WDR49: variants seen among roughly 807,000 people sequenced by gnomAD.
The protein encoded by WDR49 is WD repeat domain 49.
In WDR49, 107 loss-of-function variants were observed where a neutral mutation model predicts 119.5. The ratio of observed to expected loss-of-function variants is 0.90; its 90% CI spans 0.77 to 1.05. WDR49 has a LOEUF of 1.05. Among genes scored for constraint, WDR49 ranks in the 50% least tolerant of loss-of-function variants. WDR49 has a pLI of 0.00. For missense variants in WDR49, 1,240 were observed against 1,220.5 expected, an observed-to-expected ratio of 1.02 and a Z score of -0.24; for synonymous variants, 425 against 418.8, an observed-to-expected ratio of 1.01 and a Z score of -0.18.
At chr3:167,524,651 A>G (rs1231119116) in intron 15 of WDR49, among the ~76,000 whole-genome samples, 6 of 152,282 alleles carry the variant, frequency 3.9e-5, no homozygotes, top group African/African-American at 1.4e-4. Context: ...AGCACCATTT[A>G]TTAAATAGGG....
intron 7 of WDR49, among the ~76,000 whole-genome samples, chr3:167,578,403 AT>A (rs1011631741): frequency 2.6e-5 from 4 of 151,772 alleles, no homozygotes; most frequent in African/African-American, 7.3e-5. Context: ...CTTGTTTATG[AT>A]TTTTTTCCAC....
intron 8 of WDR49, among the ~76,000 whole-genome samples, chr3:167,561,219 ACATT>A (rs911039901): frequency 6.6e-5 from 10 of 152,166 alleles, no homozygotes; most frequent in Non-Finnish European, 1.3e-4. Flanking sequence ...CATCATGCAT[ACATT>A]CATTCATTCA....
At chr3:167,650,420 CT>C (rs1718322434) in intron 2 of WDR49, among the ~76,000 whole-genome samples, 2 of 152,158 alleles carry the variant, frequency 1.3e-5, no homozygotes, top group African/African-American at 4.8e-5. Flanking sequence ...ATATATGGCT[CT>C]TTTGACACCA....
intron 7 of WDR49, among the ~76,000 whole-genome samples, chr3:167,597,772 T>A (rs895308358): frequency 6.6e-6 from 1 of 152,208 alleles, no homozygotes; most frequent in Non-Finnish European, 1.5e-5. Context: ...TGGACTTGCA[T>A]GAGGCTTGTA....
At chr3:167,529,027 A>G (rs373536497) in intron 14 of WDR49, 25 bp downstream of exon 14, 15 of 1,511,042 alleles carry the variant, frequency 9.9e-6, no homozygotes, top group Non-Finnish European at 1.3e-5. Context: ...TCTTAAAGGT[A>G]ATGTGATAAT....
chr3:167,523,622 C>T (rs555248748), intron 15 of WDR49, among the ~76,000 whole-genome samples: 1 of 152,224 alleles, frequency 6.6e-6, no homozygotes, highest in Admixed American at 6.5e-5. Flanking sequence ...GTTCAACTCT[C>T]ACTTATGAGT....
At chr3:167,567,681 G>A (rs1713686571) in intron 8 of WDR49, among the ~76,000 whole-genome samples, 1 of 152,114 alleles carries the variant, frequency 6.6e-6, no homozygotes, top group Non-Finnish European at 1.5e-5. Flanking sequence ...AGGCCCTCAT[G>A]ACCCCCCTTG....
intron 6 of WDR49, among the ~76,000 whole-genome samples, chr3:167,603,118 G>A (rs1034991724): frequency 6.6e-6 from 1 of 152,082 alleles, no homozygotes; most frequent in East Asian, 1.9e-4. Context: ...CTTTATTATG[G>A]AATAAGATAT....
chr3:167,611,195 G>C (rs1344650336), intron 5 of WDR49, among the ~76,000 whole-genome samples: 1 of 152,188 alleles, frequency 6.6e-6, no homozygotes, highest in African/African-American at 2.4e-5. Flanking sequence ...ATAAAAAGCA[G>C]AGGGACGAAG....
chr3:167,533,395 G>C (rs552309448), intron 11 of WDR49, among the ~76,000 whole-genome samples: 7 of 152,126 alleles, frequency 4.6e-5, no homozygotes, highest in African/African-American at 1.7e-4. Context: ...GGTTATTGTA[G>C]AGAATGAAAG....
At chr3:167,607,567 C>T (rs1716123644) in intron 5 of WDR49, among the ~76,000 whole-genome samples, 1 of 152,192 alleles carries the variant, frequency 6.6e-6, no homozygotes, top group Non-Finnish European at 1.5e-5. Flanking sequence ...AGCCAACTTG[C>T]TCAAGGGCAT....
At chr3:167,527,756 A>G in intron 15 of WDR49, 64 bp downstream of exon 15, 1 of 1,476,734 alleles carries the variant, frequency 6.8e-7, no homozygotes, top group South Asian at 1.3e-5. Context: ...TCAAATAGAA[A>G]TCAGCCCAAG....
chr3:167,605,943 G>A (rs182652712), intron 5 of WDR49, among the ~76,000 whole-genome samples: 2 of 152,270 alleles, frequency 1.3e-5, no homozygotes, highest in African/African-American at 4.8e-5. Context: ...ACTAGTATTT[G>A]GTAGAGCCAG....
At chr3:167,486,710 T>C (rs951918979) in intron 18 of WDR49, among the ~76,000 whole-genome samples, 6 of 152,088 alleles carry the variant, frequency 3.9e-5, no homozygotes, top group Admixed American at 1.3e-4. Context: ...ATACCAATCA[T>C]TGGAGCATCG....
rs1363529896 is a variant in WDR49 at position 167,573,849 on chromosome 3, T to A, written c.1509+2069A>T. 1.3e-5 allele frequency among the ~76,000 whole-genome samples: 2 copies of A among 152,170 alleles called. 1 individual carries two copies. The highest frequency in any genetic ancestry group is 1.3e-4 in the Admixed American group (2 of 15,280). On this transcript the variant is annotated intron_variant, in intron 8 of 18. Transcript: ENST00000682715. ...AACTCCCACGATGTCTGCAAAGTAT[T>A]CCCAAACTTGCCACACCAAAATAAA... is the stretch of plus-strand genomic sequence containing the variant.
intron 10 of WDR49, among the ~76,000 whole-genome samples, chr3:167,545,044 A>G (rs1383819320): frequency 6.6e-6 from 1 of 152,102 alleles, no homozygotes; most frequent in Non-Finnish European, 1.5e-5. Flanking sequence ...AAGGACATAA[A>G]TAGAAAATTT....
At position 167,566,397 on chromosome 3, in the gene WDR49, G is replaced by A. The variant is rs973117234; in HGVS notation, c.1510-6169C>T. On this transcript the variant is annotated intron_variant, in intron 8 of 18. Transcript: ENST00000682715. ...CTATGCATCTGTGAAAATGGACAAG[G>A]TTACTCTTTAGGTAATGAGATAAAA... Among the ~76,000 whole-genome samples, 5 of 152,000 alleles carry A rather than the reference G, an allele frequency of 3.3e-5. No individual in the cohort carries two copies. In the South Asian group the frequency reaches 1.0e-3, roughly 32 times the overall value.
chr3:167,654,949 G>A (rs1718549422), upstream of WDR49, among the ~76,000 whole-genome samples: 1 of 151,340 alleles, frequency 6.6e-6, no homozygotes, highest in Non-Finnish European at 1.5e-5. Flanking sequence ...CACACAAATA[G>A]TAACATACGG....
At chr3:167,555,572 G>A (rs915087318) in intron 9 of WDR49, among the ~76,000 whole-genome samples, 5 of 152,104 alleles carry the variant, frequency 3.3e-5, no homozygotes, top group South Asian at 2.1e-4. Flanking sequence ...GCAGACTTGT[G>A]GGACTGAGCC....
Sources: allele counts gnomAD v4.1 joint callset (sites outside exome capture counted in the v4.1 genomes callset), GRCh38; gene constraint gnomAD v4.1.1; transcripts MANE v1.5; gene names NCBI Gene and HGNC (gene_info 2026-07-23, HGNC 2026-07-21).